The following PTPRG variants were observed in gnomAD, a reference collection of about 807,000 sequenced individuals.
PTPRG encodes protein tyrosine phosphatase receptor type G.
In PTPRG, 102 loss-of-function variants were observed where a neutral mutation model predicts 165.3. That is an observed-to-expected ratio of 0.62 (90% CI 0.53 to 0.73). The LOEUF is 0.73. Ranked by LOEUF, PTPRG falls within the 30% of genes least tolerant of loss-of-function variation. The pLI is 0.00. For missense variants in PTPRG, 1,866 were observed against 1,861.4 expected (o/e 1.00, Z -0.05); for synonymous variants, 675 against 669.5 (o/e 1.01, Z -0.13).
chr3:62,017,060 T>TAGAGGAGGGGATC (rs973343310), intron 4 of PTPRG, among the ~76,000 whole-genome samples: 6 of 152,310 alleles, frequency 3.9e-5, no homozygotes, highest in African/African-American at 7.2e-5. Context: ...TGTGAGCTTT[T>TAGAGGAGGGGATC]AGAGGAGGGG....
intron 12 of PTPRG, among the ~76,000 whole-genome samples, chr3:62,216,959 G>A (rs1700526245): frequency 6.6e-6 from 1 of 152,114 alleles, no homozygotes. Context: ...CCTGGGCTTG[G>A]AGAGCTATTC....
intron 2 of PTPRG, among the ~76,000 whole-genome samples, chr3:61,878,003 G>A (rs1575745581): frequency 6.6e-6 from 1 of 152,294 alleles, no homozygotes; most frequent in African/African-American, 2.4e-5. Flanking sequence ...GGCTCATTAA[G>A]TGAGAGAAGT....
chr3:61,757,418 G>A (rs889375915), intron 2 of PTPRG, among the ~76,000 whole-genome samples: 1 of 151,804 alleles, frequency 6.6e-6, no homozygotes, highest in African/African-American at 2.4e-5. Flanking sequence ...ACAATTTTGA[G>A]GGGGAGAAAA....
chr3:62,243,858 A>G lies in PTPRG; in HGVS notation c.2427A>G (p.Arg809=), dbSNP rs1284884442. 2.5e-6 allele frequency: 4 copies of G among 1,594,370 alleles called. No individual in the cohort carries two copies. In the African/African-American group the frequency reaches 5.4e-5, roughly 21 times the overall value. ...ATGTGGAAGACAGCAGTTCACCTCGAGTGGTCCCTAATGAAAGTATCCCTA... is the reference window on the plus strand; with the variant it reads ...ATGTGGAAGACAGCAGTTCACCTCGGGTGGTCCCTAATGAAAGTATCCCTA... The part of the protein sequence containing the change: ...HFYVEDSSSP[R]VVPNESIPII... Residue 809 remains arginine, a synonymous_variant, in exon 15 of 30, where the codon CGA becomes CGG. Coordinates refer to ENST00000474889, the MANE Select transcript of PTPRG (RefSeq NM_002841.4).
At chr3:61,921,591 A>G (rs2039079183) in intron 2 of PTPRG, among the ~76,000 whole-genome samples, 1 of 152,200 alleles carries the variant, frequency 6.6e-6, no homozygotes, top group Non-Finnish European at 1.5e-5. Context: ...CTTATTAATT[A>G]AAAATATTGT....
rs545302634 is a variant in PTPRG at position 61,719,887 on chromosome 3, AC to A, written c.86-28988del. Among the ~76,000 whole-genome samples the A allele has an allele frequency of 2.8e-4, 43 of 152,040 alleles. 1 individual carries two copies. The East Asian group carries it at 8.3e-3, about 30-fold the overall frequency. On this transcript the variant is annotated intron_variant, in intron 1 of 29. Coordinates refer to ENST00000474889, the MANE Select transcript of PTPRG (RefSeq NM_002841.4). ...CTTTCCTGGAACGTTCTTTTCTGAG[AC>A]CCAACTTGCTCTTGACTGCTTCTGT...
At chr3:61,854,621 G>A (rs625177) in intron 2 of PTPRG, among the ~76,000 whole-genome samples, 63,409 of 152,058 alleles carry the variant, frequency 0.42, 14,235 homozygotes, top group East Asian at 0.6. Flanking sequence ...AGCATTGTCA[G>A]TCTGCTGGCT....
At chr3:61,652,759 T>G (rs1338496834) in intron 1 of PTPRG, among the ~76,000 whole-genome samples, 1 of 152,224 alleles carries the variant, frequency 6.6e-6, no homozygotes, top group Non-Finnish European at 1.5e-5. Flanking sequence ...TGTAGTAGTA[T>G]TCCTGGCCTC....
chr3:62,054,238 G>T (rs1700557061), intron 4 of PTPRG, among the ~76,000 whole-genome samples: 1 of 152,192 alleles, frequency 6.6e-6, no homozygotes. Flanking sequence ...CCAATAGGAG[G>T]ACAAGGCCTG....
chr3:62,042,802 C>T (rs1269524957), intron 4 of PTPRG, among the ~76,000 whole-genome samples: 3 of 152,068 alleles, frequency 2.0e-5, no homozygotes, highest in African/African-American at 4.8e-5. Context: ...CCTGTGTGCT[C>T]AGCATTTGGG....
intron 5 of PTPRG, among the ~76,000 whole-genome samples, chr3:62,112,203 C>G (rs1411971756): frequency 6.6e-6 from 1 of 152,056 alleles, no homozygotes; most frequent in Non-Finnish European, 1.5e-5. Flanking sequence ...CTCCCAGATT[C>G]AAGTGATTCT....
intron 2 of PTPRG, among the ~76,000 whole-genome samples, chr3:61,870,969 G>T (rs541416221): frequency 6.6e-6 from 1 of 152,104 alleles, no homozygotes; most frequent in South Asian, 2.1e-4. Context: ...TCGAATCAGG[G>T]GTTTCAGGAA....
chr3:61,990,402 G>A (rs979162704), intron 3 of PTPRG, among the ~76,000 whole-genome samples: 5 of 152,210 alleles, frequency 3.3e-5, no homozygotes, highest in African/African-American at 7.2e-5. Context: ...CAGATGAACT[G>A]TCTCATCCCT....
chr3:62,268,672 A>G (rs905934355), intron 19 of PTPRG, among the ~76,000 whole-genome samples: 2 of 152,148 alleles, frequency 1.3e-5, no homozygotes, highest in African/African-American at 2.4e-5. Context: ...CGGCCTTCCA[A>G]ATGATACTTA....
At chr3:61,986,651 C>T (rs77584786) in intron 2 of PTPRG, among the ~76,000 whole-genome samples, 1,922 of 152,142 alleles carry the variant, frequency 0.013, 49 homozygotes, top group African/African-American at 0.043. Context: ...TGTTTTCTAC[C>T]CCGCCCTTAC....
intron 1 of PTPRG, among the ~76,000 whole-genome samples, chr3:61,600,796 G>A (rs9819391): frequency 0.12 from 17,595 of 152,128 alleles, 1,136 homozygotes; most frequent in African/African-American, 0.17. Flanking sequence ...CTACCTCGGT[G>A]TCCCAAAGTG....
intron 2 of PTPRG, among the ~76,000 whole-genome samples, chr3:61,978,267 G>C (rs1371069476): frequency 6.6e-6 from 1 of 152,218 alleles, no homozygotes; most frequent in East Asian, 1.9e-4. Flanking sequence ...GTTTTTTACC[G>C]TAGTTCCTCC....
intron 4 of PTPRG, among the ~76,000 whole-genome samples, chr3:62,019,622 C>G (rs2041637822): frequency 6.6e-6 from 1 of 151,450 alleles, no homozygotes; most frequent in Admixed American, 6.6e-5. Flanking sequence ...TTGAAAATTG[C>G]TAAGAGAATA....
chr3:61,926,590 T>TCCCC (rs2039216902), intron 2 of PTPRG, among the ~76,000 whole-genome samples: 2 of 47,716 alleles, frequency 4.2e-5, no homozygotes, highest in African/African-American at 7.8e-5. Context: ...CTTCCCTCCC[T>TCCCC]CCCTCCCTCC....
Sources: allele counts gnomAD v4.1 joint callset (sites outside exome capture counted in the v4.1 genomes callset), GRCh38; gene constraint gnomAD v4.1.1; transcripts MANE v1.5; gene names NCBI Gene and HGNC (gene_info 2026-07-23, HGNC 2026-07-21).